The following CYP11A1 variants were observed in gnomAD, a reference collection of about 807,000 sequenced individuals.
CYP11A1 encodes cholesterol side-chain cleavage enzyme, mitochondrial.
Under a neutral mutation model 51.9 loss-of-function variants are expected in CYP11A1, and 25 were observed. The observed-to-expected ratio is 0.48, with a 90% CI of 0.35 to 0.67. The LOEUF is 0.67. Ranked by LOEUF, CYP11A1 falls within the 30% of genes least tolerant of loss-of-function variation. CYP11A1 has a pLI of 0.00. For missense variants in CYP11A1, 578 were observed against 680.9 expected (o/e 0.85, Z 1.68); for synonymous variants, 245 against 262.1 (o/e 0.93, Z 0.63).
At chr15:74,351,846 G>A (rs898278245) in intron 1 of CYP11A1, among the ~76,000 whole-genome samples, 2 of 152,234 alleles carry the variant, frequency 1.3e-5, no homozygotes, top group African/African-American at 4.8e-5. Flanking sequence ...ACCCTGCTTT[G>A]AAGTCGTGGG....
rs752162715 is a variant in CYP11A1, at chr15:74,338,073, G to A, written c.1465C>T (p.His489Tyr). The A allele has an allele frequency of 5.0e-6, 8 of 1,614,072 alleles. No individual in the cohort carries two copies. Among genetic ancestry groups the A allele is most frequent in the African/African-American group, 1.3e-5 (1 of 74,918 alleles). Residue 489 changes from histidine to tyrosine, a missense_variant, in exon 9 of 9, where the codon CAC becomes TAC. Transcript: ENST00000268053. ...MLENFRVEIQ[H>Y]LSDVGTTFNL... Reference sequence around the variant, plus strand: ...AATGTGGTGCCCACATCGCTGAGGTGTTGGATTTCAACTCTGAAGTTCTCC... The same window carrying A: ...AATGTGGTGCCCACATCGCTGAGGTATTGGATTTCAACTCTGAAGTTCTCC...
rs2060640439 is a variant in CYP11A1 at position 74,348,090 on chromosome 15, TC to T, written c.270-36del. On this transcript the variant is annotated intron_variant, in intron 1 of 8. Transcript: ENST00000268053. ...TGGGGGAGAGGGGCTGATGGAAGGA[TC>T]CGAGGAGAGCTATGGATACAGGCTC... is the stretch of plus-strand genomic sequence containing the variant. 4 of 1,610,382 alleles carry T rather than the reference TC, an allele frequency of 2.5e-6. No individual in the cohort carries two copies. In the African/African-American group the frequency reaches 5.3e-5, roughly 21 times the overall value.
chr15:74,348,230 T>A, intron 1 of CYP11A1, 175 bp from the exon 2 acceptor site: 1 of 648,780 alleles, frequency 1.5e-6, no homozygotes, highest in South Asian at 1.9e-5. Context: ...ATACAGTACC[T>A]GTCTCGCAGC....
chr15:74,338,735 G>T lies in CYP11A1; in HGVS notation c.1270C>A (p.Arg424=). Reference sequence around the variant, plus strand: ...GGGTCGAAGAAGAAGGTGGGCTCTCGGCCCAGAGCATAGATGGCCACTTGC... The same window carrying T: ...GGGTCGAAGAAGAAGGTGGGCTCTCTGCCCAGAGCATAGATGGCCACTTGC... ...LVQVAIYALG[R]EPTFFFDPEN... Residue 424 remains arginine (R), a synonymous_variant, in exon 8 of 9, where the codon CGA becomes AGA. Transcript: ENST00000268053. The T allele has an allele frequency of 6.2e-7, 1 of 1,614,108 alleles. No individual in the cohort carries two copies. Among genetic ancestry groups the T allele is most frequent in the South Asian group, 1.1e-5 (1 of 91,076 alleles).
intron 1 of CYP11A1, among the ~76,000 whole-genome samples, chr15:74,355,304 T>C (rs537300480): frequency 6.6e-6 from 1 of 152,294 alleles, no homozygotes; most frequent in Non-Finnish European, 1.5e-5. Flanking sequence ...TGGTTCCAAA[T>C]AGCCAGAAAA....
chr15:74,364,770 A>G (rs1358200339), intron 1 of CYP11A1: 2 of 152,536 alleles, frequency 1.3e-5, no homozygotes, highest in Admixed American at 6.5e-5. Context: ...AGCAAGGATA[A>G]CTAGAGATCT....
rs150725205 is a variant in CYP11A1, at chr15:74,367,500, C to A, written c.86G>T (p.Arg29Leu). Residue 29 changes from arginine to leucine, a missense_variant, in exon 1 of 9, where the codon CGT becomes CTT. Transcript: ENST00000268053. ...TCCCTCGCCAGTGGGCACCCTGAGA[C>A]GCCCCAGCCCCTCCCTGGGGGCACT... ...FLSAPREGLG[R>L]LRVPTGEGAG... The A allele has an allele frequency of 6.2e-7, 1 of 1,614,138 alleles. No individual in the cohort carries two copies. The highest frequency in any genetic ancestry group is 8.5e-7 in the Non-Finnish European group (1 of 1,179,976).
At chr15:74,354,150 G>A (rs1307822048) in intron 1 of CYP11A1, among the ~76,000 whole-genome samples, 1 of 152,196 alleles carries the variant, frequency 6.6e-6, no homozygotes, top group South Asian at 2.1e-4. Flanking sequence ...AGAATGTCAG[G>A]CCTCTGAGCC....
chr15:74,338,468 C>G (rs532499468), intron 8 of CYP11A1, 103 bp downstream of exon 8: 1 of 1,220,180 alleles, frequency 8.2e-7, no homozygotes, highest in East Asian at 2.3e-5. Flanking sequence ...CGCCCCAGCA[C>G]TGACATCCTT....
rs1473653482 is a variant in CYP11A1, at chr15:74,338,691, G to A, written c.1314C>T (p.Thr438=). ...TGTTCTTGTCTTTGCTCAGCCATCG[G>A]GTTGGGTCAAAATTTTCCGGGTCGA... is the stretch of plus-strand genomic sequence containing the variant. ...FFFDPENFDP[T]RWLSKDKNIT... Residue 438 remains threonine, a synonymous_variant, in exon 8 of 9, where the codon ACC becomes ACT. Coordinates refer to ENST00000268053, the MANE Select transcript of CYP11A1 (RefSeq NM_000781.3). The A allele has an allele frequency of 1.9e-6, 3 of 1,614,038 alleles. No homozygotes were observed. Among genetic ancestry groups the A allele is most frequent in the East Asian group, 2.2e-5 (1 of 44,902 alleles).
In CYP11A1 at chr15:74,348,965, A is replaced by G. The variant is rs1206822253; in HGVS notation, c.270-910T>C. On this transcript the variant is annotated intron_variant, in intron 1 of 8. Transcript: ENST00000268053. ...GGTCTCAAACTTCTGGGCTCAAGAG[A>G]TCCTCCCACCTCAGCCTCCCAAAGT... is the stretch of plus-strand genomic sequence containing the variant. 2.0e-5 allele frequency among the ~76,000 whole-genome samples: 3 copies of G among 152,236 alleles called. No homozygotes were observed. The East Asian group carries it at 5.8e-4, about 29-fold the overall frequency.
chr15:74,356,055 C>A (rs1278521039), intron 1 of CYP11A1, among the ~76,000 whole-genome samples: 2 of 152,214 alleles, frequency 1.3e-5, no homozygotes, highest in Admixed American at 1.3e-4. Flanking sequence ...AAGGAGGCAG[C>A]CAGACAGCAA....
In CYP11A1 at chr15:74,348,019, G is replaced by A. The variant is rs1238632066; in HGVS notation, c.306C>T (p.Ile102=). 7.4e-6 allele frequency: 12 copies of A among 1,614,176 alleles called. No individual in the cohort carries two copies. Among genetic ancestry groups the A allele is most frequent in the South Asian group, 2.2e-5 (2 of 91,080 alleles). The change falls in exon 2 of 9, where the codon ATC becomes ATT. Residue 102 remains isoleucine, a synonymous_variant. Transcript: ENST00000268053. ...KLGNVESVYV[I]DPEDVALLFK... The stretch of plus-strand genomic sequence containing the variant: ...AGAGAAGGGCCACATCTTCAGGGTC[G>A]ATGACATAAACCGACTCCACGTTGC...
chr15:74,339,286 C>A lies in CYP11A1; in HGVS notation c.1187G>T (p.Arg396Ile). ...RLHPISVTLQ[R>I]YLVNDLVLRD... ...AAGAACCAAGTCATTTACAAGATAT[C>A]TCTGCAGGGTCACGGAGATGGGGTG... The change falls in exon 7 of 9, where the codon AGA becomes ATA. Residue 396 changes from arginine (R) to isoleucine (I), a missense_variant. Coordinates refer to ENST00000268053, the MANE Select transcript of CYP11A1 (RefSeq NM_000781.3). 1 of 1,614,228 alleles carries A rather than the reference C, an allele frequency of 6.2e-7. No individual in the cohort carries two copies. The highest frequency in any genetic ancestry group is 8.5e-7 in the Non-Finnish European group (1 of 1,180,032).
At chr15:74,350,066 A>G (rs2060648954) in intron 1 of CYP11A1, 1 of 352,610 alleles carries the variant, frequency 2.8e-6, no homozygotes, top group African/African-American at 2.3e-5. Context: ...TTTCTCTTAA[A>G]ATATAAAATA....
Position 74,338,173 on chromosome 15 carries a change from C to T in CYP11A1, c.1435-70G>A, listed in dbSNP as rs986986121. 14 of 1,586,548 alleles carry T rather than the reference C, an allele frequency of 8.8e-6. No homozygotes were observed. In the African/African-American group the frequency reaches 1.9e-4, roughly 21 times the overall value. On this transcript the variant is annotated intron_variant, in intron 8 of 8. Coordinates refer to ENST00000268053, the MANE Select transcript of CYP11A1 (RefSeq NM_000781.3). ...CTGTCTCCCTAGCCAGGCCAATTCACCCATAGGCAGTGCCTGTGGAGTGTG... is the reference window on the plus strand; with the variant it reads ...CTGTCTCCCTAGCCAGGCCAATTCATCCATAGGCAGTGCCTGTGGAGTGTG...
At chr15:74,339,854 T>A in intron 5 of CYP11A1, 101 bp from the exon 6 acceptor site, 1 of 1,154,622 alleles carries the variant, frequency 8.7e-7, no homozygotes, top group South Asian at 1.3e-5. Flanking sequence ...CAAGAACCTC[T>A]TTCTCCCCGA....
chr15:74,366,506 G>A (rs1278814723), intron 1 of CYP11A1, among the ~76,000 whole-genome samples: 1 of 136,406 alleles, frequency 7.3e-6, no homozygotes, highest in African/African-American at 2.6e-5. Flanking sequence ...TTGTAGTAGA[G>A]ACAGGGTTTC....
intron 2 of CYP11A1, 61 bp downstream of exon 2, chr15:74,347,839 T>C: frequency 6.3e-7 from 1 of 1,587,550 alleles, no homozygotes; most frequent in East Asian, 2.3e-5. Flanking sequence ...CCCCAGCCTC[T>C]GCCCTCTCCA....
Sources: allele counts gnomAD v4.1 joint callset (sites outside exome capture counted in the v4.1 genomes callset), GRCh38; gene constraint gnomAD v4.1.1; transcripts MANE v1.5; gene names NCBI Gene and HGNC (gene_info 2026-07-23, HGNC 2026-07-21).